ZFPM2: variants seen among roughly 807,000 people sequenced by gnomAD.
ZFPM2 encodes the protein zinc finger protein ZFPM2.
ZFPM2 carries 20 observed loss-of-function variants against 98.6 expected under a neutral mutation model. The observed-to-expected ratio is 0.20, with a 90% CI of 0.14 to 0.29. The LOEUF (loss-of-function observed/expected upper bound fraction) is 0.29, where lower values mean the gene tolerates loss of function less well. Ranked by LOEUF, ZFPM2 falls within the 10% of genes least tolerant of loss-of-function variation. The pLI, the probability that ZFPM2 is intolerant of heterozygous loss-of-function variation, is 1.00. For missense variants in ZFPM2, 1,310 were observed against 1,388.6 expected (o/e 0.94, Z 0.90); for synonymous variants, 518 against 502.7 (o/e 1.03, Z -0.41).
At chr8:105,692,630 G>C (rs570207630) in intron 5 of ZFPM2, among the ~76,000 whole-genome samples, 3 of 152,276 alleles carry the variant, frequency 2.0e-5, no homozygotes, top group Admixed American at 1.3e-4. Flanking sequence ...AAAGCCAAAG[G>C]GTTGGAATTG....
chr8:105,519,777 C>T (rs1433888504), intron 3 of ZFPM2, among the ~76,000 whole-genome samples: 1 of 151,026 alleles, frequency 6.6e-6, no homozygotes, highest in Non-Finnish European at 1.5e-5. Flanking sequence ...AGTGTGTTGA[C>T]ATTACTTTTG....
In ZFPM2 at chr8:105,441,496, A is replaced by AATC. The variant is rs1563660172; in HGVS notation, c.200-2783_200-2782insTCA. ...AAAGAAAGAAAGAAAGAAAGAAAGAAAGAAATCAAAGCCCAGGGGCGCCCC... is the reference window on the plus strand; with the variant it reads ...AAAGAAAGAAAGAAAGAAAGAAAGAAATCAGAAATCAAAGCCCAGGGGCGCCCC... On this transcript the variant is annotated intron_variant, in intron 2 of 7. Coordinates refer to ENST00000407775, the MANE Select transcript of ZFPM2 (RefSeq NM_012082.4). Among the ~76,000 whole-genome samples, 94 of 125,120 alleles carry AATC rather than the reference A, an allele frequency of 7.5e-4. 2 individuals are homozygous for AATC. Among genetic ancestry groups the AATC allele is most frequent in the Middle Eastern group, 3.9e-3 (1 of 258 alleles). 82.1% of individuals were successfully genotyped at this position (125,120 alleles called of 152,430 possible). A position where few individuals can be genotyped will look rare whatever the true frequency, so the allele number is the denominator to read the frequency against.
intron 5 of ZFPM2, among the ~76,000 whole-genome samples, chr8:105,721,499 A>C (rs2130996081): frequency 6.6e-6 from 1 of 152,070 alleles, no homozygotes; most frequent in African/African-American, 2.4e-5. Context: ...AGATTATATT[A>C]ATATCAAATC....
At chr8:105,720,903 C>A (rs77106563) in intron 5 of ZFPM2, among the ~76,000 whole-genome samples, 15,958 of 151,942 alleles carry the variant, frequency 0.11, 1,124 homozygotes, top group East Asian at 0.32. Context: ...TGGCATCCAC[C>A]TTGCTGCATC....
intron 5 of ZFPM2, among the ~76,000 whole-genome samples, chr8:105,694,348 T>G (rs1810967464): frequency 6.6e-6 from 1 of 152,140 alleles, no homozygotes; most frequent in Admixed American, 6.5e-5. Flanking sequence ...TTCTGTTTTC[T>G]TGGAGTTTAA....
intron 3 of ZFPM2, among the ~76,000 whole-genome samples, chr8:105,471,133 G>A (rs1262260619): frequency 1.3e-5 from 2 of 152,036 alleles, no homozygotes; most frequent in East Asian, 3.9e-4. Context: ...CTTACACTGC[G>A]TTAGGGATGT....
chr8:105,537,113 C>G (rs1238978672), intron 3 of ZFPM2, among the ~76,000 whole-genome samples: 1 of 152,112 alleles, frequency 6.6e-6, no homozygotes, highest in African/African-American at 2.4e-5. Flanking sequence ...TGAAAGTCTA[C>G]CAGAGTCTCA....
chr8:105,779,457 T>A (rs749922138), intron 5 of ZFPM2, among the ~76,000 whole-genome samples: 8 of 152,210 alleles, frequency 5.3e-5, no homozygotes, highest in Non-Finnish European at 1.2e-4. Flanking sequence ...AAAATATTTT[T>A]CAGCGTGCTA....
At chr8:105,663,856 T>C (rs1384677196) in intron 5 of ZFPM2, among the ~76,000 whole-genome samples, 1 of 152,212 alleles carries the variant, frequency 6.6e-6, no homozygotes, top group Non-Finnish European at 1.5e-5. Context: ...TTTTCAGTAG[T>C]CTGGAACAGC....
At chr8:105,395,602 T>C (rs1811203239) in intron 1 of ZFPM2, among the ~76,000 whole-genome samples, 1 of 152,214 alleles carries the variant, frequency 6.6e-6, no homozygotes, top group African/African-American at 2.4e-5. Context: ...TTCTCCCATG[T>C]TGATCTGTCC....
chr8:105,441,482 G>GAAAGAAAGAAAA (rs1554604998), intron 2 of ZFPM2, among the ~76,000 whole-genome samples: 28,141 of 85,746 alleles, frequency 0.33, 7,217 homozygotes, highest in South Asian at 0.45. Context: ...AAGAAAGAAA[G>GAAAGAAAGAAAA]AAAGAAAGAA....
intron 1 of ZFPM2, among the ~76,000 whole-genome samples, chr8:105,345,840 AT>A (rs1389424450): frequency 2.0e-5 from 3 of 152,100 alleles, no homozygotes; most frequent in East Asian, 1.9e-4. Context: ...TTGTGATTCC[AT>A]TTTTTTCCTA....
chr8:105,756,080 A>G (rs932515420), intron 5 of ZFPM2, among the ~76,000 whole-genome samples: 3 of 152,174 alleles, frequency 2.0e-5, no homozygotes, highest in African/African-American at 7.2e-5. Context: ...GGAGCTAAAA[A>G]TGCTGCTGTT....
chr8:105,477,434 AG>A (rs1426356110), intron 3 of ZFPM2, among the ~76,000 whole-genome samples: 2 of 151,730 alleles, frequency 1.3e-5, no homozygotes, highest in Middle Eastern at 3.4e-3. Flanking sequence ...TAGTAAAGAC[AG>A]GGTTTCACCA....
At chr8:105,638,675 A>T (rs1259599016) in intron 5 of ZFPM2, among the ~76,000 whole-genome samples, 5 of 152,078 alleles carry the variant, frequency 3.3e-5, no homozygotes, top group Admixed American at 2.0e-4. Context: ...AAATAGGCCC[A>T]TTTAATGTTT....
At chr8:105,793,014 A>G in intron 6 of ZFPM2, among the ~76,000 whole-genome samples, 1 of 152,076 alleles carries the variant, frequency 6.6e-6, no homozygotes, top group East Asian at 1.9e-4. Context: ...AATACAACAC[A>G]CTGATGAGTC....
intron 5 of ZFPM2, among the ~76,000 whole-genome samples, chr8:105,777,811 C>G (rs1276354524): frequency 2.6e-5 from 4 of 152,146 alleles, no homozygotes; most frequent in Admixed American, 6.6e-5. Flanking sequence ...ATCTATCTAA[C>G]AACTATGAAG....
chr8:105,550,689 C>A (rs900269260), intron 3 of ZFPM2, among the ~76,000 whole-genome samples: 1 of 152,162 alleles, frequency 6.6e-6, no homozygotes, highest in Non-Finnish European at 1.5e-5. Flanking sequence ...GCAATCACCT[C>A]TGAACTTCTG....
At chr8:105,565,985 C>T (rs532280902) in intron 4 of ZFPM2, among the ~76,000 whole-genome samples, 3 of 152,144 alleles carry the variant, frequency 2.0e-5, no homozygotes, top group African/African-American at 7.2e-5. Context: ...ATGAGATACC[C>T]GGGAGAGCCA....
Sources: allele counts gnomAD v4.1 joint callset (sites outside exome capture counted in the v4.1 genomes callset), GRCh38; gene constraint gnomAD v4.1.1; transcripts MANE v1.5; gene names NCBI Gene and HGNC (gene_info 2026-07-23, HGNC 2026-07-21).